ST3GAL3: variants seen among roughly 807,000 people sequenced by gnomAD.
The protein encoded by ST3GAL3 is ST3 beta-galactoside alpha-2,3-sialyltransferase 3.
In ST3GAL3, 21 loss-of-function variants were observed where a neutral mutation model predicts 50.1. The ratio of observed to expected loss-of-function variants is 0.42; its 90% confidence interval spans 0.30 to 0.60. ST3GAL3 has a LOEUF of 0.60. Among genes scored for constraint, ST3GAL3 ranks in the 20% least tolerant of loss-of-function variants. The pLI is 0.19. For synonymous variants in ST3GAL3, 183 were observed against 190.0 expected (o/e 0.96, Z 0.30); for missense variants, 353 against 489.4 (o/e 0.72, Z 2.63).
At chr1:43,817,629 T>TCTCCTCCTCCTTCTC (rs1275584864) in intron 4 of ST3GAL3, among the ~76,000 whole-genome samples, 1 of 100,972 alleles carries the variant, frequency 9.9e-6, no homozygotes, top group Non-Finnish European at 2.0e-5. Context: ...CCTCCTCCCT[T>TCTCCTCCTCCTTCTC]CTCCTCCTCC....
chr1:43,765,790 C>T (rs1388272085), intron 2 of ST3GAL3, among the ~76,000 whole-genome samples: 49 of 148,512 alleles, frequency 3.3e-4, no homozygotes, highest in African/African-American at 7.6e-4. Flanking sequence ...TGTGTGCGCG[C>T]GCGCGCGCGC....
At chr1:43,829,237 A>C (rs1386518679) in intron 4 of ST3GAL3, among the ~76,000 whole-genome samples, 1 of 152,176 alleles carries the variant, frequency 6.6e-6, no homozygotes, top group Non-Finnish European at 1.5e-5. Context: ...TTCCTAGTTG[A>C]ATTTCTTTAT....
At chr1:43,708,946 A>C (rs1436359744) in intron 1 of ST3GAL3, among the ~76,000 whole-genome samples, 4 of 152,352 alleles carry the variant, frequency 2.6e-5, no homozygotes, top group African/African-American at 9.6e-5. Flanking sequence ...TGGGCCTATA[A>C]TATACTTGAG....
At chr1:43,775,858 C>T (rs1241935463) in intron 2 of ST3GAL3, among the ~76,000 whole-genome samples, 1 of 151,970 alleles carries the variant, frequency 6.6e-6, no homozygotes, top group South Asian at 2.1e-4. Flanking sequence ...ATGACTTTCA[C>T]TGATCTTCCT....
intron 2 of ST3GAL3, chr1:43,743,330 A>G (rs1025839194): frequency 1.6e-5 from 3 of 189,804 alleles, no homozygotes; most frequent in African/African-American, 7.1e-5. Context: ...TCTGAAATCT[A>G]AAAATAAGGA....
chr1:43,739,853 G>A (rs1340667154), intron 2 of ST3GAL3, among the ~76,000 whole-genome samples: 2 of 152,090 alleles, frequency 1.3e-5, no homozygotes, highest in Non-Finnish European at 2.9e-5. Flanking sequence ...CAAGACTTGA[G>A]TCAAATGCTT....
At chr1:43,761,987 T>C (rs1572343891) in intron 2 of ST3GAL3, among the ~76,000 whole-genome samples, 1 of 128,766 alleles carries the variant, frequency 7.8e-6, no homozygotes, top group South Asian at 2.5e-4. Flanking sequence ...AAATTCAGGC[T>C]GGGCTTGGTG....
At chr1:43,813,903 G>GCACACA (rs57672840) in intron 3 of ST3GAL3, among the ~76,000 whole-genome samples, 1 of 125,774 alleles carries the variant, frequency 8.0e-6, no homozygotes, top group Admixed American at 7.5e-5. Context: ...ACGCACACAC[G>GCACACA]CACACACACA....
At chr1:43,765,324 CTCTCTCTTCAAGCT>C (rs1253269601) in intron 2 of ST3GAL3, among the ~76,000 whole-genome samples, 6 of 152,216 alleles carry the variant, frequency 3.9e-5, no homozygotes, top group South Asian at 2.1e-4. Flanking sequence ...GTGAAGAGAC[CTCTCTCTTCAAGCT>C]TCTCTCTTCA....
chr1:43,751,850 G>A (rs1473810109), intron 2 of ST3GAL3, among the ~76,000 whole-genome samples: 1 of 151,848 alleles, frequency 6.6e-6, no homozygotes, highest in African/African-American at 2.4e-5. Flanking sequence ...TGAGACGGAG[G>A]TTCTCGTCAC....
At chr1:43,893,921 TG>T in intron 5 of ST3GAL3, among the ~76,000 whole-genome samples, 1 of 152,320 alleles carries the variant, frequency 6.6e-6, no homozygotes, top group Non-Finnish European at 1.5e-5. Flanking sequence ...TCTTCCTCAC[TG>T]TGGGTGGTCC....
intron 4 of ST3GAL3, among the ~76,000 whole-genome samples, chr1:43,816,700 T>C (rs2061286339): frequency 6.6e-6 from 1 of 152,174 alleles, no homozygotes; most frequent in African/African-American, 2.4e-5. Context: ...GTCCTGACAG[T>C]TGGGTCCTGC....
At chr1:43,831,960 C>T (rs955102144) in intron 4 of ST3GAL3, among the ~76,000 whole-genome samples, 1 of 152,146 alleles carries the variant, frequency 6.6e-6, no homozygotes, top group East Asian at 1.9e-4. Flanking sequence ...TGAATTAGAT[C>T]ATTAGATCCG....
At chr1:43,790,354 G>A (rs2057899938) in intron 2 of ST3GAL3, among the ~76,000 whole-genome samples, 1 of 152,084 alleles carries the variant, frequency 6.6e-6, no homozygotes. Flanking sequence ...ATAATGTTTG[G>A]GTGGGGTGTG....
chr1:43,900,184 C>T (rs1366733013), intron 9 of ST3GAL3, among the ~76,000 whole-genome samples: 1 of 152,202 alleles, frequency 6.6e-6, no homozygotes, highest in Non-Finnish European at 1.5e-5. Context: ...TTAGGGGTCC[C>T]TGCCCTCTTT....
chr1:43,748,333 G>T (rs1314445577), intron 2 of ST3GAL3, among the ~76,000 whole-genome samples: 1 of 150,796 alleles, frequency 6.6e-6, no homozygotes, highest in Non-Finnish European at 1.5e-5. Flanking sequence ...AGGAATTAAA[G>T]ATCTAAAGAG....
intron 5 of ST3GAL3, among the ~76,000 whole-genome samples, chr1:43,843,190 C>A (rs1267299572): frequency 6.6e-6 from 1 of 152,196 alleles, no homozygotes; most frequent in East Asian, 1.9e-4. Context: ...TAGTCTTTCA[C>A]CATTATGGTG....
intron 2 of ST3GAL3, among the ~76,000 whole-genome samples, chr1:43,741,640 G>T (rs933338927): frequency 6.6e-6 from 1 of 152,138 alleles, no homozygotes; most frequent in Non-Finnish European, 1.5e-5. Context: ...CCATGTTTCT[G>T]GCCTCTGGCT....
At chr1:43,894,648 T>G (rs1199811738) in intron 6 of ST3GAL3, among the ~76,000 whole-genome samples, 171 bp downstream of exon 6, 1 of 151,776 alleles carries the variant, frequency 6.6e-6, no homozygotes, top group Non-Finnish European at 1.5e-5. Context: ...TTTGTTTGTT[T>G]TTTTTTTTTG....
Sources: gnomAD v4.1 joint callset for allele counts (sites outside exome capture counted in the v4.1 genomes callset) on GRCh38, gnomAD v4.1.1 for gene constraint, MANE v1.5 for transcripts, NCBI Gene and HGNC (gene_info 2026-07-23, HGNC 2026-07-21) for gene names.